Variants in OR3A2 observed in about 807,000 individuals in gnomAD.
OR3A2 encodes the protein olfactory receptor 3A2.
For synonymous variants in OR3A2, 126 were observed against 159.3 expected, an observed-to-expected ratio of 0.79 and a Z score of 1.57; for missense variants, 318 against 392.8, an observed-to-expected ratio of 0.81 and a Z score of 1.61.
chr17:3,367,852 T>A (rs556571744), intron 2 of OR3A2, among the ~76,000 whole-genome samples: 1 of 152,116 alleles, frequency 6.6e-6, no homozygotes, highest in Non-Finnish European at 1.5e-5. Context: ...TGTACCAGTT[T>A]ACACTCCCAC....
At chr17:3,378,866 C>A (rs1287866418) in intron 2 of OR3A2, among the ~76,000 whole-genome samples, 3 of 152,174 alleles carry the variant, frequency 2.0e-5, no homozygotes, top group Non-Finnish European at 4.4e-5. Context: ...ACTTGCTGTG[C>A]CCAAGTCTTC....
chr17:3,343,381 C>G lies in OR3A2; in HGVS notation c.-178-7255G>C, dbSNP rs541008372. On this transcript the variant is annotated intron_variant, in intron 2 of 4. Transcript: ENST00000573491. ...GTAGACCAGAGCTGTTCCTATTCAG[C>G]CATCTTGAAATGAACCTACTTATAT... 7.9e-5 allele frequency among the ~76,000 whole-genome samples: 12 copies of G among 152,298 alleles called. No homozygotes were observed. In the South Asian group the frequency reaches 2.5e-3, roughly 32 times the overall value.
In OR3A2 at chr17:3,292,024, G is replaced by T. The variant is rs1245901821; in HGVS notation, c.-84-12871C>A. On this transcript the variant is annotated intron_variant, in intron 3 of 4. Coordinates refer to the OR3A2 transcript ENST00000573491. ...GTGCTGGAGCAGGAGAGCTGGAAGA[G>T]CTGTGGGAGGTCACAGTAGAAGTGA... The T allele has an allele frequency of 1.9e-6, 3 of 1,614,122 alleles. No individual in the cohort carries two copies. The African/African-American group carries it at 4.0e-5, about 22-fold the overall frequency.
At chr17:3,366,879 G>A (rs2049568755) in intron 2 of OR3A2, among the ~76,000 whole-genome samples, 1 of 152,184 alleles carries the variant, frequency 6.6e-6, no homozygotes, top group African/African-American at 2.4e-5. Flanking sequence ...CATTGCCAAT[G>A]GAATCCCTCC....
downstream of OR3A2, among the ~76,000 whole-genome samples, chr17:3,276,269 T>C (rs1372977724): frequency 1.3e-5 from 2 of 152,162 alleles, no homozygotes; most frequent in East Asian, 3.8e-4. Context: ...AGGATGTTAG[T>C]CTTCATTATG....
chr17:3,319,563 T>A (rs116138232), intron 3 of OR3A2, among the ~76,000 whole-genome samples: 32 of 152,160 alleles, frequency 2.1e-4, no homozygotes, highest in African/African-American at 7.7e-4. Flanking sequence ...TATGTGATGT[T>A]CCCCTTCCGG....
intron 3 of OR3A2, among the ~76,000 whole-genome samples, chr17:3,329,938 C>G (rs1475005873): frequency 7.0e-6 from 1 of 142,412 alleles, no homozygotes; most frequent in African/African-American, 2.8e-5. Context: ...TTTCAAAGAA[C>G]ATCTTTATTT....
chr17:3,364,586 T>C (rs1399987834), intron 2 of OR3A2, among the ~76,000 whole-genome samples: 4 of 152,190 alleles, frequency 2.6e-5, no homozygotes, highest in African/African-American at 7.2e-5. Context: ...TTAGAATGGC[T>C]ATTATCAAAA....
At chr17:3,385,671 G>T (rs968720963) in intron 1 of OR3A2, among the ~76,000 whole-genome samples, 1 of 151,918 alleles carries the variant, frequency 6.6e-6, no homozygotes, top group Non-Finnish European at 1.5e-5. Context: ...TTCAAAGCAG[G>T]TCTGACCTAC....
intron 2 of OR3A2, among the ~76,000 whole-genome samples, chr17:3,378,230 A>C (rs162252): frequency 0.02 from 3,050 of 152,308 alleles, 110 homozygotes; most frequent in African/African-American, 0.068. Context: ...GCCCATGCCA[A>C]GCTGCCCTCA....
chr17:3,379,671 C>A (rs1400676527), intron 2 of OR3A2, among the ~76,000 whole-genome samples: 3 of 152,156 alleles, frequency 2.0e-5, no homozygotes, highest in Non-Finnish European at 4.4e-5. Flanking sequence ...CTTCCCCGAG[C>A]AGAGGAATCA....
At chr17:3,371,633 G>A (rs1354761400) in intron 2 of OR3A2, among the ~76,000 whole-genome samples, 1 of 133,876 alleles carries the variant, frequency 7.5e-6, no homozygotes, top group Non-Finnish European at 1.6e-5. Context: ...TCACTTCCCA[G>A]TAGGGGAGGC....
intron 3 of OR3A2, among the ~76,000 whole-genome samples, chr17:3,327,932 C>T (rs1242748095): frequency 1.7e-5 from 2 of 120,166 alleles, no homozygotes; most frequent in South Asian, 2.6e-4. Flanking sequence ...GTTTTGGTAC[C>T]AGTACCATGC....
intron 2 of OR3A2, among the ~76,000 whole-genome samples, chr17:3,379,180 G>T (rs2049711998): frequency 6.6e-6 from 1 of 152,088 alleles, no homozygotes; most frequent in Non-Finnish European, 1.5e-5. Context: ...AGTTCCACAA[G>T]AACTAAAAGG....
At chr17:3,348,436 G>C (rs1375778151) in intron 2 of OR3A2, among the ~76,000 whole-genome samples, 2 of 152,130 alleles carry the variant, frequency 1.3e-5, no homozygotes, top group African/African-American at 4.8e-5. Context: ...ATCAGTGATG[G>C]AAGATGAAAT....
chr17:3,384,352 A>T (rs2049762256), intron 1 of OR3A2, among the ~76,000 whole-genome samples: 1 of 152,184 alleles, frequency 6.6e-6, no homozygotes, highest in South Asian at 2.1e-4. Flanking sequence ...TGCACTGAGG[A>T]CAGAGCAAGG....
At chr17:3,373,083 T>G (rs2049646853) in intron 2 of OR3A2, among the ~76,000 whole-genome samples, 1 of 152,194 alleles carries the variant, frequency 6.6e-6, no homozygotes, top group Non-Finnish European at 1.5e-5. Context: ...CTTATATAAT[T>G]TCCATGCGTG....
upstream of OR3A2, among the ~76,000 whole-genome samples, chr17:3,288,246 C>CAAAAAAAAAAAAAAAAAAAAAA: frequency 1.4e-5 from 1 of 73,484 alleles, no homozygotes; most frequent in African/African-American, 4.5e-5. Flanking sequence ...ACCAAAAGGG[C>CAAAAAAAAAAAAAAAAAAAAAA]AAAAAAAAAA....
chr17:3,380,322 G>C (rs2150669084), intron 2 of OR3A2, among the ~76,000 whole-genome samples: 1 of 152,310 alleles, frequency 6.6e-6, no homozygotes, highest in South Asian at 2.1e-4. Context: ...ACAGGGAAGT[G>C]GATGAACCAT....
Sources: allele counts gnomAD v4.1 joint callset (sites outside exome capture counted in the v4.1 genomes callset), GRCh38; gene constraint gnomAD v4.1.1; transcripts MANE v1.5; gene names NCBI Gene and HGNC (gene_info 2026-07-23, HGNC 2026-07-21).